Variants in FANCA observed in about 807,000 individuals in gnomAD.
FANCA encodes the protein FA complementation group A.
Under a neutral mutation model 194.3 loss-of-function variants are expected in FANCA, and 236 were observed. That is an observed-to-expected ratio of 1.21 (90% CI 1.09 to 1.35). The LOEUF (loss-of-function observed/expected upper bound fraction) is 1.35, where lower values mean the gene tolerates loss of function less well. FANCA is among the 40% of genes most tolerant of loss of function. FANCA has a pLI of 0.00. For missense variants in FANCA, 2,628 were observed against 1,813.9 expected (o/e 1.45, Z -8.15); for synonymous variants, 1,014 against 715.8 (o/e 1.42, Z -6.65).
At chr16:89,765,999 A>ATT (rs541701073) in intron 27 of FANCA, among the ~76,000 whole-genome samples, 5 of 144,130 alleles carry the variant, frequency 3.5e-5, no homozygotes, top group African/African-American at 1.0e-4. Flanking sequence ...TTATTTATTT[A>ATT]TTTTTTTTTT....
intron 20 of FANCA, chr16:89,778,327 G>C (rs920922993): frequency 5.8e-6 from 2 of 346,702 alleles, no homozygotes; most frequent in Admixed American, 4.3e-5. Context: ...TTAGCAGGGC[G>C]TGGTGGTGCA....
chr16:89,784,868 G>C lies in FANCA; in HGVS notation c.1456C>G (p.Pro486Ala). The change falls in exon 15 of 43, where the codon CCC (proline) becomes GCC (alanine). Residue 486 changes from proline (P) to alanine (A), a missense_variant. Coordinates refer to ENST00000389301, the MANE Select transcript of FANCA (RefSeq NM_000135.4). ...FLSELVPFES[P>A]RYLQVHILHP... ...CAGCTTCTCACCTGCAGGTACCGGG[G>C]AGACTCAAAAGGCACGAGTTCTGAC... 6.2e-7 allele frequency: 1 copy of C among 1,613,658 alleles called. No homozygotes were observed. The highest frequency in any genetic ancestry group is 8.5e-7 in the Non-Finnish European group (1 of 1,179,540).
chr16:89,771,166 A>T (rs1162737127), intron 23 of FANCA, among the ~76,000 whole-genome samples: 1 of 151,612 alleles, frequency 6.6e-6, no homozygotes, highest in African/African-American at 2.4e-5. Flanking sequence ...AAAAAAAAAA[A>T]AAAAAAAAGA....
At chr16:89,754,740 G>C (rs2038713596) in intron 30 of FANCA, among the ~76,000 whole-genome samples, 1 of 152,102 alleles carries the variant, frequency 6.6e-6, no homozygotes, top group Admixed American at 6.6e-5. Flanking sequence ...TAAATGACTA[G>C]AGCCAATGAA....
At position 89,814,548 on chromosome 16, in the gene FANCA, G is replaced by C. The variant is rs780353222; in HGVS notation, c.255C>G (p.Ala85=). ...SKVIDCDSSE[A]YANHSSSFIG... Reference sequence around the variant, plus strand: ...TAAATGAACTAGAATGATTAGCATAGGCCTCAGAACTGTCACAGTCAATCA... The same window carrying C: ...TAAATGAACTAGAATGATTAGCATACGCCTCAGAACTGTCACAGTCAATCA... Residue 85 remains alanine (A), a synonymous_variant, in exon 3 of 43, where the codon GCC becomes GCG. Transcript: ENST00000389301. The C allele has an allele frequency of 1.9e-6, 3 of 1,613,368 alleles. No homozygotes were observed. Among genetic ancestry groups the C allele is most frequent in the South Asian group, 2.2e-5 (2 of 91,054 alleles).
intron 3 of FANCA, among the ~76,000 whole-genome samples, chr16:89,812,586 C>A (rs1346271501): frequency 1.5e-5 from 2 of 137,652 alleles, no homozygotes; most frequent in Non-Finnish European, 3.1e-5. Flanking sequence ...GCAGAGGTTG[C>A]GGTGAGTCGA....
chr16:89,742,869 A>C lies in FANCA; in HGVS notation c.3696T>G (p.Phe1232Leu), dbSNP rs563966600. Residue 1232 changes from phenylalanine (F) to leucine (L), a missense_variant, in exon 37 of 43, where the codon TTT becomes TTG. Physicochemically the swap from Phe to Leu is conservative, Grantham distance 22 (BLOSUM62 0). Coordinates refer to ENST00000389301, the MANE Select transcript of FANCA (RefSeq NM_000135.4). ...PDWLSAAALH[F>L]AIQQVREENI... ...TTTCTTCCCTGACTTGTTGAATCGC[A>C]AAGTGCAGTGCAGCAGCTGAGAGCC... is the stretch of plus-strand genomic sequence containing the variant. The C allele has an allele frequency of 6.2e-6, 10 of 1,614,092 alleles. No individual in the cohort carries two copies. The East Asian group carries it at 1.8e-4, about 29-fold the overall frequency.
Position 89,765,009 on chromosome 16 carries a change from C to A in FANCA, c.2659G>T (p.Asp887Tyr). The A allele has an allele frequency of 5.0e-6, 8 of 1,614,258 alleles. No homozygotes were observed. The highest frequency in any genetic ancestry group is 6.8e-6 in the Non-Finnish European group (8 of 1,180,058). The change falls in exon 28 of 43, where the codon GAC becomes TAC. Residue 887 changes from aspartate (D) to tyrosine (Y), a missense_variant. Asp to Tyr is a radical substitution (Grantham distance 160). Coordinates refer to ENST00000389301, the MANE Select transcript of FANCA (RefSeq NM_000135.4). ...SEARQPLSEE[D>Y]VASLSWRPLH... ...GGTCTCCAGGAAAGGCTGGCTACGTCCTCCTCAGAAAGAGGCTGTCGGGCC... is the reference window on the plus strand; with the variant it reads ...GGTCTCCAGGAAAGGCTGGCTACGTACTCCTCAGAAAGAGGCTGTCGGGCC...
chr16:89,776,557 G>A (rs902853782), intron 20 of FANCA, among the ~76,000 whole-genome samples: 1 of 152,096 alleles, frequency 6.6e-6, no homozygotes, highest in Non-Finnish European at 1.5e-5. Flanking sequence ...GCCAGGCGCG[G>A]TGGATCCCGC....
chr16:89,770,022 G>A lies in FANCA; in HGVS notation c.2319C>T (p.Gly773=). The change falls in exon 26 of 43, where the codon GGC becomes GGT. Residue 773 remains glycine, a splice_region_variant and synonymous_variant. Coordinates refer to ENST00000389301, the MANE Select transcript of FANCA (RefSeq NM_000135.4). ...GCACATGTGGGGCACTCAGGCTCGG[G>A]CCCTGCAACGAGAATGAGGGTGGCA... ...TRLCQLLRHQ[G]PSLSAPHVLG... is the part of the protein sequence containing the mutation. The A allele has an allele frequency of 1.2e-6, 2 of 1,613,244 alleles. No homozygotes were observed. The highest frequency in any genetic ancestry group is 8.5e-7 in the Non-Finnish European group (1 of 1,179,834).
Position 89,737,748 on chromosome 16 carries a change from G to T in FANCA, c.*853C>A. On this transcript the variant is annotated 3_prime_UTR_variant, in exon 43 of 43. Coordinates refer to ENST00000389301, the MANE Select transcript of FANCA (RefSeq NM_000135.4). ...GTGATGGTTTCACATTGTCATCGTC[G>T]TCCCCCCGGGAGGTTGGAGCATCAG... 2 of 1,606,710 alleles carry T rather than the reference G, an allele frequency of 1.2e-6. No individual in the cohort carries two copies. The highest frequency in any genetic ancestry group is 2.7e-5 in the African/African-American group (2 of 74,896).
intron 3 of FANCA, 21 bp downstream of exon 3, chr16:89,814,499 G>A: frequency 2.0e-6 from 3 of 1,536,214 alleles, no homozygotes; most frequent in Admixed American, 1.7e-5. Context: ...TCAAAATAGA[G>A]AAAATGAAGC....
Position 89,764,887 on chromosome 16 carries a change from T to C in FANCA, c.2778+3A>G, listed in dbSNP as rs757261567. ...TGATGCAGGAGAAGGAACGGTCACC[T>C]ACGTGAACATCTTCCTCTTTCAACA... On this transcript the variant is annotated splice_donor_region_variant and intron_variant, in intron 28 of 42. Coordinates refer to ENST00000389301, the MANE Select transcript of FANCA (RefSeq NM_000135.4). 6.2e-7 allele frequency: 1 copy of C among 1,613,868 alleles called. No individual in the cohort carries two copies. Among genetic ancestry groups the C allele is most frequent in the Non-Finnish European group, 8.5e-7 (1 of 1,179,828 alleles).
chr16:89,777,843 A>G lies in FANCA; in HGVS notation c.1826+958T>C, dbSNP rs9282687. Among the ~76,000 whole-genome samples, 467 of 151,692 alleles carry G rather than the reference A, an allele frequency of 3.1e-3. 4 individuals carry two copies. In the South Asian group the frequency reaches 0.042, roughly 14 times the overall value. The stretch of plus-strand genomic sequence containing the variant: ...CAGTTCTCCTCTCTGCACAATCATT[A>G]TGTACTGAAACATTTTCTTTCACTG... On this transcript the variant is annotated intron_variant, in intron 20 of 42. Transcript: ENST00000389301.
chr16:89,778,461 A>C, intron 20 of FANCA: 1 of 278,222 alleles, frequency 3.6e-6, no homozygotes. Flanking sequence ...GCGAGACTCC[A>C]TCTAAAAAAA....
chr16:89,759,865 G>C (rs1333339243), intron 29 of FANCA, among the ~76,000 whole-genome samples: 2 of 152,204 alleles, frequency 1.3e-5, no homozygotes, highest in African/African-American at 2.4e-5. Flanking sequence ...CTGCAAATGT[G>C]AGTGCTAGGG....
At chr16:89,813,343 G>C (rs1358772339) in intron 3 of FANCA, among the ~76,000 whole-genome samples, 3 of 150,830 alleles carry the variant, frequency 2.0e-5, no homozygotes, top group Non-Finnish European at 2.9e-5. Context: ...AGGAGGTCAA[G>C]ACTGCAGTGA....
At chr16:89,785,638 T>G (rs1047992477) in intron 14 of FANCA, among the ~76,000 whole-genome samples, 9 of 152,186 alleles carry the variant, frequency 5.9e-5, no homozygotes, top group Non-Finnish European at 1.0e-4. Flanking sequence ...GGCATGGCCC[T>G]GAACGCATCA....
intron 12 of FANCA, 100 bp downstream of exon 12, chr16:89,792,371 C>T (rs2040105065): frequency 3.1e-6 from 4 of 1,288,882 alleles, no homozygotes; most frequent in East Asian, 2.3e-5. Flanking sequence ...CCCTGAACCT[C>T]TCGATGTGCC....
Sources: gnomAD v4.1 joint callset for allele counts (sites outside exome capture counted in the v4.1 genomes callset) on GRCh38, gnomAD v4.1.1 for gene constraint, MANE v1.5 for transcripts, NCBI Gene and HGNC (gene_info 2026-07-23, HGNC 2026-07-21) for gene names.